The following RORA variants were observed in gnomAD, a reference collection of about 807,000 sequenced individuals.
RORA encodes the protein nuclear receptor ROR-alpha.
In RORA, 7 loss-of-function variants were observed where a neutral mutation model predicts 69.5. That is an observed-to-expected ratio of 0.10 (90% CI 0.06 to 0.19). The LOEUF is 0.19. Among genes scored for constraint, RORA ranks in the 10% least tolerant of loss-of-function variants. The probability of loss-of-function intolerance (pLI) is 1.00; values close to 1 mark genes in which losing one functional copy is unlikely to be tolerated. For missense variants in RORA, 457 were observed against 663.0 expected, an observed-to-expected ratio of 0.69 and a Z score of 3.41; for synonymous variants, 261 against 240.8, an observed-to-expected ratio of 1.08 and a Z score of -0.78.
Position 60,531,580 on chromosome 15 carries a change from A to G in RORA, c.282+186T>C, listed in dbSNP as rs112980408. On this transcript the variant is annotated intron_variant, in intron 3 of 10. Coordinates refer to ENST00000335670, the MANE Select transcript of RORA (RefSeq NM_134261.3). The surrounding 1 kb of genome is among the most constrained non-coding windows in gnomAD (Gnocchi z 4.8). ...TTGTAATCTCCTATTATTTTGAAGG[A>G]AGGAGTAAAAATATATATAACTTCT... 7,079 of 517,458 alleles carry G rather than the reference A, an allele frequency of 0.014. 180 individuals carry two copies. The highest frequency in any genetic ancestry group is 0.077 in the African/African-American group (3,776 of 49,184). 32.1% of individuals were successfully genotyped at this position (517,458 alleles called of 1,614,324 possible).
At chr15:61,008,435 C>T (rs571842180) in intron 1 of RORA, among the ~76,000 whole-genome samples, 6 of 152,122 alleles carry the variant, frequency 3.9e-5, no homozygotes, top group South Asian at 4.2e-4. Context: ...CTGGGTCTCT[C>T]GAGCAGGTGA....
chr15:60,566,247 T>C (rs1319626212), intron 2 of RORA, among the ~76,000 whole-genome samples: 6 of 152,248 alleles, frequency 3.9e-5, no homozygotes, highest in African/African-American at 1.4e-4. Flanking sequence ...AAAATACTTA[T>C]TTTAATGCTA....
intron 1 of RORA, among the ~76,000 whole-genome samples, chr15:60,860,610 T>C (rs1279209318): frequency 6.6e-6 from 1 of 152,168 alleles, no homozygotes; most frequent in Non-Finnish European, 1.5e-5. Context: ...ATAGAGATAT[T>C]GTTGAAATCC....
chr15:60,691,509 C>T (rs1344072556), intron 1 of RORA, among the ~76,000 whole-genome samples: 2 of 152,102 alleles, frequency 1.3e-5, no homozygotes, highest in African/African-American at 4.8e-5. Flanking sequence ...ATCTAGTTTA[C>T]CAATAGTGAC....
chr15:61,166,340 A>G (rs2079539534), intron 1 of RORA, among the ~76,000 whole-genome samples: 1 of 152,158 alleles, frequency 6.6e-6, no homozygotes, highest in Non-Finnish European at 1.5e-5. Flanking sequence ...CTCTTGGAAT[A>G]CCAGAATAAT....
At chr15:60,785,781 C>T (rs1290193218) in intron 1 of RORA, among the ~76,000 whole-genome samples, 2 of 152,238 alleles carry the variant, frequency 1.3e-5, no homozygotes, top group Non-Finnish European at 2.9e-5. Flanking sequence ...GGAAGCATTC[C>T]TCCCCTCCAT....
At chr15:60,522,911 AAC>A (rs1215697937) in intron 3 of RORA, among the ~76,000 whole-genome samples, 1 of 151,850 alleles carries the variant, frequency 6.6e-6, no homozygotes, top group Non-Finnish European at 1.5e-5. Flanking sequence ...CTCTACTAAA[AAC>A]ACAAAAATTA....
chr15:60,703,419 C>G (rs2071014537), intron 1 of RORA, among the ~76,000 whole-genome samples: 1 of 150,848 alleles, frequency 6.6e-6, no homozygotes, highest in South Asian at 2.1e-4. Context: ...TGGCCTCATT[C>G]CCACTTGGCT....
chr15:60,948,008 C>T (rs1399652702), intron 1 of RORA, among the ~76,000 whole-genome samples: 2 of 152,128 alleles, frequency 1.3e-5, no homozygotes, highest in East Asian at 3.8e-4. Flanking sequence ...TTGATGATTT[C>T]CTTGGATGTC....
chr15:61,192,997 C>A (rs370197335), intron 1 of RORA, among the ~76,000 whole-genome samples: 145 of 152,296 alleles, frequency 9.5e-4, no homozygotes, highest in Non-Finnish European at 1.7e-3. Flanking sequence ...AAACCTTCAA[C>A]GACTCTCTGT....
At chr15:61,069,906 A>G (rs1446814830) in intron 1 of RORA, among the ~76,000 whole-genome samples, 1 of 152,192 alleles carries the variant, frequency 6.6e-6, no homozygotes, top group African/African-American at 2.4e-5. Flanking sequence ...ATAAACCCAA[A>G]GTCCATTCCC....
chr15:60,889,367 A>C (rs2073788570), intron 1 of RORA, among the ~76,000 whole-genome samples: 2 of 151,172 alleles, frequency 1.3e-5, no homozygotes, highest in South Asian at 4.2e-4. Flanking sequence ...GGGGGGAAGG[A>C]AATCCCCCCT....
At chr15:60,703,438 T>C (rs1412960612) in intron 1 of RORA, among the ~76,000 whole-genome samples, 1 of 139,770 alleles carries the variant, frequency 7.2e-6, no homozygotes, top group Non-Finnish European at 1.7e-5. Context: ...CTCTGTGTTC[T>C]TCAATGAACA....
intron 1 of RORA, among the ~76,000 whole-genome samples, chr15:60,869,087 T>C (rs59200474): frequency 0.073 from 11,169 of 152,206 alleles, 915 homozygotes; most frequent in African/African-American, 0.2. Flanking sequence ...GATGGTGGTA[T>C]CCTTCAGAAA....
At chr15:61,115,820 C>T (rs2079045669) in intron 1 of RORA, among the ~76,000 whole-genome samples, 1 of 152,134 alleles carries the variant, frequency 6.6e-6, no homozygotes, top group Admixed American at 6.5e-5. Flanking sequence ...GGCCCAAAAG[C>T]CATGATGTAA....
chr15:60,574,170 T>A (rs35958943), intron 2 of RORA, among the ~76,000 whole-genome samples: 2,378 of 152,246 alleles, frequency 0.016, 61 homozygotes, highest in African/African-American at 0.055. Flanking sequence ...CAGCCCCCAA[T>A]TGGAGCTATG....
chr15:61,009,995 C>G (rs1895038279), intron 1 of RORA, among the ~76,000 whole-genome samples: 1 of 152,134 alleles, frequency 6.6e-6, no homozygotes, highest in Admixed American at 6.5e-5. Context: ...GTTGTGTTGC[C>G]TTTTCTTCTT....
intron 1 of RORA, among the ~76,000 whole-genome samples, chr15:60,811,292 A>G (rs990184213): frequency 2.0e-5 from 3 of 152,204 alleles, no homozygotes; most frequent in African/African-American, 7.2e-5. Context: ...ACCTGGTGCC[A>G]TCAGTTCTTA....
chr15:60,916,893 T>G (rs1891888819), intron 1 of RORA, among the ~76,000 whole-genome samples: 1 of 152,256 alleles, frequency 6.6e-6, no homozygotes, highest in Non-Finnish European at 1.5e-5. Flanking sequence ...CATTGCTTAT[T>G]GCAACTAGAA....
Sources: gnomAD v4.1 joint callset for allele counts (sites outside exome capture counted in the v4.1 genomes callset) on GRCh38, gnomAD v4.1.1 for gene constraint, Gnocchi (gnomAD v3.1) non-coding constraint, MANE v1.5 for transcripts, NCBI Gene and HGNC (gene_info 2026-07-23, HGNC 2026-07-21) for gene names.